The following PHACTR3 variants were observed in gnomAD, a reference collection of about 807,000 sequenced individuals.
PHACTR3 encodes the protein protein phosphatase 1, regulatory subunit 123.
PHACTR3 carries 16 observed loss-of-function variants against 66.8 expected under a neutral mutation model. The ratio of observed to expected loss-of-function variants is 0.24; its 90% CI spans 0.16 to 0.36. PHACTR3 has a LOEUF of 0.36. Among genes scored for constraint, PHACTR3 ranks in the 10% least tolerant of loss-of-function variants. PHACTR3 has a pLI of 1.00. For missense variants in PHACTR3, 647 were observed against 719.9 expected (o/e 0.90, Z 1.16); for synonymous variants, 323 against 292.1 (o/e 1.11, Z -1.08).
intron 1 of PHACTR3, among the ~76,000 whole-genome samples, chr20:59,701,555 C>G (rs2037505454): frequency 6.6e-6 from 1 of 152,222 alleles, no homozygotes. Flanking sequence ...ATTACACCAG[C>G]AACTCTTTTT....
chr20:59,748,103 G>A (rs1315566204), intron 3 of PHACTR3, among the ~76,000 whole-genome samples: 1 of 152,208 alleles, frequency 6.6e-6, no homozygotes, highest in Admixed American at 6.5e-5. Flanking sequence ...ACAGAGCTGG[G>A]TGTGCATGAA....
intron 8 of PHACTR3, among the ~76,000 whole-genome samples, chr20:59,828,728 G>A (rs1194860279): frequency 1.3e-5 from 2 of 152,062 alleles, no homozygotes; most frequent in African/African-American, 2.4e-5. Context: ...GAGTAGGAGG[G>A]GCTGCTGGAG....
At chr20:59,780,876 CA>C in intron 7 of PHACTR3, among the ~76,000 whole-genome samples, 1 of 152,310 alleles carries the variant, frequency 6.6e-6, no homozygotes. Context: ...TGAAGGTCAA[CA>C]GGGGTGCTCA....
At chr20:59,689,106 A>G (rs2037005742) in intron 1 of PHACTR3, among the ~76,000 whole-genome samples, 2 of 152,218 alleles carry the variant, frequency 1.3e-5, no homozygotes, top group Non-Finnish European at 1.5e-5. Flanking sequence ...CTTAAGAGCC[A>G]ACTTCTCTGC....
intron 7 of PHACTR3, among the ~76,000 whole-genome samples, chr20:59,781,084 A>G (rs955634054): frequency 3.9e-5 from 6 of 152,176 alleles, no homozygotes; most frequent in African/African-American, 1.4e-4. Context: ...TCCGTAGCTG[A>G]TTTGTGCTAT....
intron 8 of PHACTR3, among the ~76,000 whole-genome samples, chr20:59,827,003 C>T (rs958092123): frequency 1.3e-5 from 2 of 151,996 alleles, no homozygotes; most frequent in African/African-American, 2.4e-5. Context: ...CTCTCCTTCC[C>T]TCCCTCCTTC....
intron 1 of PHACTR3, among the ~76,000 whole-genome samples, chr20:59,693,874 C>T (rs548910124): frequency 6.6e-6 from 1 of 152,254 alleles, no homozygotes; most frequent in East Asian, 1.9e-4. Context: ...TGTACAAAGC[C>T]CCGTTAGTCC....
chr20:59,602,305 A>G (rs565911476), upstream of PHACTR3, among the ~76,000 whole-genome samples: 52 of 152,072 alleles, frequency 3.4e-4, 2 homozygotes, highest in South Asian at 0.011. Context: ...GGAGGTGCAC[A>G]CTGTACTCCC....
chr20:59,703,254 A>C (rs1244340371), intron 1 of PHACTR3, among the ~76,000 whole-genome samples: 1 of 152,130 alleles, frequency 6.6e-6, no homozygotes, highest in African/African-American at 2.4e-5. Context: ...AGGTATTTTT[A>C]TGAGGACGTT....
At chr20:59,588,787 C>T (rs6026979) in intron 1 of PHACTR3, among the ~76,000 whole-genome samples, 9,578 of 152,268 alleles carry the variant, frequency 0.063, 473 homozygotes, top group Admixed American at 0.15. Flanking sequence ...TGAGTGGACA[C>T]GTGAATTAAC....
chr20:59,790,402 C>T (rs1340776217), intron 7 of PHACTR3, among the ~76,000 whole-genome samples: 7 of 152,166 alleles, frequency 4.6e-5, no homozygotes, highest in Admixed American at 2.0e-4. Context: ...TAATCAGAAA[C>T]TTTGACTCAG....
At chr20:59,790,912 G>T (rs549748382) in intron 7 of PHACTR3, among the ~76,000 whole-genome samples, 2 of 152,188 alleles carry the variant, frequency 1.3e-5, no homozygotes, top group Admixed American at 6.5e-5. Flanking sequence ...CTGAGGAAGA[G>T]AACATAGTTC....
chr20:59,773,184 G>A, intron 5 of PHACTR3, 95 bp from the exon 6 acceptor site: 1 of 1,398,088 alleles, frequency 7.2e-7, no homozygotes, highest in Non-Finnish European at 9.8e-7. Flanking sequence ...AGGTGCAGGG[G>A]AGCGTCCTTT....
chr20:59,807,202 AAC>A (rs1009630600), intron 8 of PHACTR3, among the ~76,000 whole-genome samples: 4 of 152,242 alleles, frequency 2.6e-5, no homozygotes, highest in Admixed American at 1.3e-4. Context: ...CTTAGCACAA[AAC>A]ACAAATTATA....
At chr20:59,826,065 A>G (rs1200808443) in intron 8 of PHACTR3, among the ~76,000 whole-genome samples, 1 of 152,012 alleles carries the variant, frequency 6.6e-6, no homozygotes, top group Non-Finnish European at 1.5e-5. Context: ...ACAGGGAGAA[A>G]TGGATTTTTG....
Position 59,667,382 on chromosome 20 carries a change from C to A in PHACTR3, c.118+62250C>A, listed in dbSNP as rs571433395. Among the ~76,000 whole-genome samples, 8 of 152,356 alleles carry A rather than the reference C, an allele frequency of 5.3e-5. No individual in the cohort carries two copies. In the South Asian group the frequency reaches 1.5e-3, roughly 28 times the overall value. ...GCCACAGGGCATTTGCTCCAGTGTA[C>A]TCTGCCTCCCAACTAGCCCGTCTCA... On this transcript the variant is annotated intron_variant, in intron 1 of 12. Transcript: ENST00000371015.
intron 1 of PHACTR3, 31 bp downstream of exon 1, chr20:59,605,163 T>G: frequency 9.5e-5 from 65 of 686,710 alleles, no homozygotes; most frequent in Non-Finnish European, 1.2e-4. Flanking sequence ...GGCGGGCGGG[T>G]CGGGGAGGCC....
At chr20:59,674,860 G>C (rs6027031) in intron 1 of PHACTR3, among the ~76,000 whole-genome samples, 12,775 of 40,102 alleles carry the variant, frequency 0.32, 2,284 homozygotes, top group African/African-American at 0.58. Context: ...TTCTCCTGTT[G>C]CCCCTTCTCC....
Position 59,801,344 on chromosome 20 carries a change from C to T in PHACTR3, c.1175-4697C>T, listed in dbSNP as rs529292668. On this transcript the variant is annotated intron_variant, in intron 7 of 12. Coordinates refer to ENST00000371015, the MANE Select transcript of PHACTR3 (RefSeq NM_080672.5). ...TGTCTTCTGTTGCTGATTTCTAGCA[C>T]GTTGAAAACTACGGTTTTATACATT... Among the ~76,000 whole-genome samples, 16 of 152,302 alleles carry T rather than the reference C, an allele frequency of 1.1e-4. No individual in the cohort carries two copies. The South Asian group carries it at 1.5e-3, about 14-fold the overall frequency.
Sources: gnomAD v4.1 joint callset for allele counts (sites outside exome capture counted in the v4.1 genomes callset) on GRCh38, gnomAD v4.1.1 for gene constraint, MANE v1.5 for transcripts, NCBI Gene and HGNC (gene_info 2026-07-23, HGNC 2026-07-21) for gene names.